LEKR1: variants seen among roughly 807,000 people sequenced by gnomAD.
LEKR1 encodes protein LEKR1.
LEKR1 carries 59 observed loss-of-function variants against 72.4 expected under a neutral mutation model. That is an observed-to-expected ratio of 0.82 (90% confidence interval 0.66 to 1.01). The LOEUF (loss-of-function observed/expected upper bound fraction) is 1.01. LEKR1 is among the 50% of genes least tolerant of loss of function. The probability of loss-of-function intolerance (pLI) is 0.00; values close to 1 mark genes in which losing one functional copy is unlikely to be tolerated. For missense variants in LEKR1, 728 were observed against 759.2 expected, an observed-to-expected ratio of 0.96 and a Z score of 0.48; for synonymous variants, 257 against 263.2, an observed-to-expected ratio of 0.98 and a Z score of 0.23.
intron 5 of LEKR1, among the ~76,000 whole-genome samples, chr3:156,931,505 G>C (rs1163021732): frequency 1.3e-5 from 2 of 152,076 alleles, no homozygotes; most frequent in Non-Finnish European, 2.9e-5. Flanking sequence ...ATTTACCCAA[G>C]GAATGTGAAA....
At chr3:157,028,840 A>G in intron 12 of LEKR1, among the ~76,000 whole-genome samples, 1 of 152,218 alleles carries the variant, frequency 6.6e-6, no homozygotes, top group East Asian at 1.9e-4. Context: ...CTTCCTATCA[A>G]TGTAAACTTA....
At chr3:156,842,949 G>A (rs1714118679) in intron 2 of LEKR1, among the ~76,000 whole-genome samples, 1 of 152,086 alleles carries the variant, frequency 6.6e-6, no homozygotes, top group Admixed American at 6.6e-5. Context: ...ATCACATTTG[G>A]CTCCTTTTTC....
chr3:157,023,397 A>C (rs912658848), intron 10 of LEKR1, among the ~76,000 whole-genome samples: 2 of 152,202 alleles, frequency 1.3e-5, no homozygotes, highest in African/African-American at 4.8e-5. Flanking sequence ...CAACTACAGG[A>C]AAAACTGCCT....
chr3:156,968,992 AT>A (rs1396274098), intron 6 of LEKR1, among the ~76,000 whole-genome samples: 1 of 152,226 alleles, frequency 6.6e-6, no homozygotes, highest in Non-Finnish European at 1.5e-5. Context: ...CTGCTCAACT[AT>A]ATGGAAACTG....
At chr3:156,863,557 A>G (rs1159907512) in intron 3 of LEKR1, among the ~76,000 whole-genome samples, 1 of 152,108 alleles carries the variant, frequency 6.6e-6, no homozygotes, top group Non-Finnish European at 1.5e-5. Context: ...GATTCTTTAC[A>G]TATTATTTAC....
At chr3:156,937,173 G>GAACAACAACAAC (rs58343127) in intron 5 of LEKR1, among the ~76,000 whole-genome samples, 6 of 151,096 alleles carry the variant, frequency 4.0e-5, no homozygotes, top group Non-Finnish European at 8.8e-5. Context: ...AGAACAGCAA[G>GAACAACAACAAC]AACAACAACA....
At position 156,950,935 on chromosome 3, in the gene LEKR1, G is replaced by A. The variant is rs963277963; in HGVS notation, c.745+8221G>A. On this transcript the variant is annotated intron_variant, in intron 6 of 12. Coordinates refer to ENST00000356539, the MANE Select transcript of LEKR1 (RefSeq NM_001004316.3). ...AGGAGTGGTGAAAGAGGGCATCCTTGTCTTGTTCTGGTTTTCAAGGGAATA... is the reference window on the plus strand; with the variant it reads ...AGGAGTGGTGAAAGAGGGCATCCTTATCTTGTTCTGGTTTTCAAGGGAATA... Among the ~76,000 whole-genome samples the A allele has an allele frequency of 2.0e-5, 3 of 151,726 alleles. No homozygotes were observed. In the South Asian group the frequency reaches 6.2e-4, roughly 31 times the overall value.
chr3:156,895,232 C>T (rs1017535765), intron 3 of LEKR1, among the ~76,000 whole-genome samples: 2 of 152,176 alleles, frequency 1.3e-5, no homozygotes, highest in Non-Finnish European at 2.9e-5. Context: ...AGGACATGAA[C>T]AGACGTTTCT....
chr3:156,963,315 G>A (rs757482542), intron 6 of LEKR1, among the ~76,000 whole-genome samples: 5 of 152,090 alleles, frequency 3.3e-5, no homozygotes, highest in African/African-American at 1.2e-4. Flanking sequence ...GCTTTAATCT[G>A]TTCCTTCCCT....
At chr3:156,878,281 TAAC>T (rs1041171546) in intron 3 of LEKR1, among the ~76,000 whole-genome samples, 1 of 152,158 alleles carries the variant, frequency 6.6e-6, no homozygotes, top group African/African-American at 2.4e-5. Flanking sequence ...ACTTTCCTGT[TAAC>T]ACTGTTTTTG....
intron 3 of LEKR1, among the ~76,000 whole-genome samples, chr3:156,893,100 G>T (rs1720822931): frequency 6.6e-6 from 1 of 152,138 alleles, no homozygotes; most frequent in African/African-American, 2.4e-5. Flanking sequence ...GAGGCTTCAG[G>T]TTCTGTATTT....
chr3:156,829,945 T>C (rs1446661475), intron 2 of LEKR1, among the ~76,000 whole-genome samples: 1 of 152,196 alleles, frequency 6.6e-6, no homozygotes, highest in African/African-American at 2.4e-5. Context: ...ATGCATAAAA[T>C]GTATGTAGAC....
chr3:156,960,011 G>C (rs1727975277), intron 6 of LEKR1, among the ~76,000 whole-genome samples: 1 of 151,992 alleles, frequency 6.6e-6, no homozygotes, highest in East Asian at 1.9e-4. Context: ...ATCAGAACAT[G>C]ATGACCCTTT....
At chr3:156,862,268 T>G (rs1716853409) in intron 3 of LEKR1, among the ~76,000 whole-genome samples, 1 of 152,104 alleles carries the variant, frequency 6.6e-6, no homozygotes, top group Admixed American at 6.6e-5. Flanking sequence ...GCCCAGCCAC[T>G]TATTATTTTT....
chr3:156,919,341 G>A (rs1268200215), intron 3 of LEKR1, among the ~76,000 whole-genome samples: 1 of 150,706 alleles, frequency 6.6e-6, no homozygotes, highest in Non-Finnish European at 1.5e-5. Context: ...ATTGGTTTAA[G>A]GTCTACTTTG....
chr3:156,834,163 T>C (rs1178893912), intron 2 of LEKR1, among the ~76,000 whole-genome samples: 1 of 152,096 alleles, frequency 6.6e-6, no homozygotes, highest in African/African-American at 2.4e-5. Context: ...CCCCATAACT[T>C]TTTATAATTT....
At chr3:156,975,819 G>T (rs55726754) in intron 6 of LEKR1, among the ~76,000 whole-genome samples, 10,831 of 152,038 alleles carry the variant, frequency 0.071, 487 homozygotes, top group African/African-American at 0.12. Flanking sequence ...TGTTTCCATG[G>T]GTTCTGCCTT....
At chr3:156,838,876 A>G (rs887610485) in intron 2 of LEKR1, among the ~76,000 whole-genome samples, 3 of 152,214 alleles carry the variant, frequency 2.0e-5, no homozygotes, top group Admixed American at 6.5e-5. Flanking sequence ...TCCCACACAG[A>G]TGAAATCAAG....
At chr3:156,976,895 A>G (rs1252265150) in intron 6 of LEKR1, among the ~76,000 whole-genome samples, 3 of 152,228 alleles carry the variant, frequency 2.0e-5, no homozygotes, top group East Asian at 3.8e-4. Context: ...TGAAATCAAT[A>G]AAACCTAACA....
Sources: allele counts gnomAD v4.1 joint callset (sites outside exome capture counted in the v4.1 genomes callset), GRCh38; gene constraint gnomAD v4.1.1; transcripts MANE v1.5; gene names NCBI Gene and HGNC (gene_info 2026-07-23, HGNC 2026-07-21).